The following ZNF540 variants were observed in gnomAD, a reference collection of about 807,000 sequenced individuals.
The protein encoded by ZNF540 is zinc finger protein 540, also known as CTD-3064H18.6.
Under a neutral mutation model 11.8 loss-of-function variants are expected in ZNF540, and 3 were observed. The observed-to-expected ratio is 0.25, with a 90% CI of 0.12 to 0.65. ZNF540 has a LOEUF of 0.65. ZNF540 is among the 30% of genes least tolerant of loss of function. The pLI is 0.83. For synonymous variants in ZNF540, 247 were observed against 259.0 expected, an observed-to-expected ratio of 0.95 and a Z score of 0.45; for missense variants, 709 against 793.1, an observed-to-expected ratio of 0.89 and a Z score of 1.27.
chr19:37,565,343 G>A (rs1477736068), intron 1 of ZNF540: 5 of 1,613,292 alleles, frequency 3.1e-6, no homozygotes, highest in Admixed American at 3.3e-5. Context: ...ACATTCATAG[G>A]GTTTCTCTCC....
At chr19:37,566,751 A>T (rs1192493009) in intron 1 of ZNF540, among the ~76,000 whole-genome samples, 1 of 152,088 alleles carries the variant, frequency 6.6e-6, no homozygotes, top group South Asian at 2.1e-4. Context: ...CCTTGCTTCT[A>T]TGATCTATTC....
chr19:37,553,252 G>C (rs901238215), intron 1 of ZNF540, among the ~76,000 whole-genome samples: 6 of 146,436 alleles, frequency 4.1e-5, no homozygotes, highest in Admixed American at 3.5e-4. Flanking sequence ...TCCTGCCTCA[G>C]CCTCCTGAGT....
rs758691652 is a variant in ZNF540 at position 37,612,832 on chromosome 19, A to C, written c.1552A>C (p.Thr518Pro). ...CCTTACTGAACACCAGAGAATTCAC[A>C]CTGGTGAAAAGCCCTATAAATGTAA... The part of the protein sequence containing the change: ...FYLTEHQRIH[T>P]GEKPYKCKEC... The change falls in exon 5 of 5, where the codon ACT becomes CCT. Residue 518 changes from threonine to proline, a missense_variant. Physicochemically the swap from Thr to Pro is conservative, Grantham distance 38. Transcript: ENST00000316433. The C allele has an allele frequency of 6.2e-7, 1 of 1,614,106 alleles. No homozygotes were observed. Among genetic ancestry groups the C allele is most frequent in the Non-Finnish European group, 8.5e-7 (1 of 1,179,994 alleles).
At chr19:37,567,652 TCTCA>T (rs2042907785) in intron 1 of ZNF540, 1 of 152,200 alleles carries the variant, frequency 6.6e-6, no homozygotes, top group African/African-American at 2.4e-5. Context: ...CCAAGAATGC[TCTCA>T]AAGTGGCCAC....
chr19:37,556,159 G>A, intron 1 of ZNF540: 3 of 701,954 alleles, frequency 4.3e-6, no homozygotes, highest in Non-Finnish European at 7.8e-6. Flanking sequence ...GTACGGGCTG[G>A]CTCTGGGAAC....
At chr19:37,558,225 T>C (rs377031713) in intron 1 of ZNF540, among the ~76,000 whole-genome samples, 1 of 152,226 alleles carries the variant, frequency 6.6e-6, no homozygotes, top group Non-Finnish European at 1.5e-5. Flanking sequence ...TTCAGCTGCC[T>C]GTGTTGCTCG....
chr19:37,584,215 T>G, intron 1 of ZNF540: 1 of 1,467,162 alleles, frequency 6.8e-7, no homozygotes, highest in Non-Finnish European at 9.3e-7. Flanking sequence ...GGAAATTGGT[T>G]GCCTAAACAG....
intron 1 of ZNF540, chr19:37,551,791 C>T (rs2042607915): frequency 6.6e-6 from 1 of 150,588 alleles, no homozygotes; most frequent in Non-Finnish European, 1.5e-5. Flanking sequence ...TGTTGCATAT[C>T]TCTGTGTGTG....
intron 1 of ZNF540, chr19:37,565,750 G>GTT: frequency 6.2e-7 from 1 of 1,613,348 alleles, no homozygotes; most frequent in Non-Finnish European, 8.5e-7. Context: ...TCCCACATGC[G>GTT]TTACACTGAT....
chr19:37,579,634 A>G (rs1276058733), intron 1 of ZNF540, among the ~76,000 whole-genome samples: 1 of 152,022 alleles, frequency 6.6e-6, no homozygotes, highest in Non-Finnish European at 1.5e-5. Context: ...AGATCTTACC[A>G]TTTTCTCATT....
chr19:37,603,522 T>G (rs1362131451), intron 4 of ZNF540, among the ~76,000 whole-genome samples: 1 of 152,126 alleles, frequency 6.6e-6, no homozygotes, highest in Admixed American at 6.5e-5. Flanking sequence ...ATTAGAGGAA[T>G]AAGGGAGATC....
chr19:37,565,007 T>C, intron 1 of ZNF540: 1 of 1,613,838 alleles, frequency 6.2e-7, no homozygotes, highest in Non-Finnish European at 8.5e-7. Flanking sequence ...CTTACATTCA[T>C]AATGTTTCTC....
At chr19:37,584,428 C>A (rs757273475) in intron 1 of ZNF540, among the ~76,000 whole-genome samples, 35 of 152,194 alleles carry the variant, frequency 2.3e-4, no homozygotes, top group Non-Finnish European at 4.3e-4. Flanking sequence ...TCCTCAATAA[C>A]TAATATACTC....
intron 4 of ZNF540, among the ~76,000 whole-genome samples, chr19:37,604,296 CTTTTTTTTTTTTTTTTTT>C (rs769163050): frequency 1.3e-5 from 1 of 75,266 alleles, no homozygotes; most frequent in Non-Finnish European, 2.5e-5. Context: ...AATAGCCTTA[CTTTTTTTTTTTTTTTTTT>C]TTTTTTTTTT....
At chr19:37,565,512 G>A (rs367711121) in intron 1 of ZNF540, 2 of 1,613,738 alleles carry the variant, frequency 1.2e-6, no homozygotes, top group South Asian at 1.1e-5. Flanking sequence ...CACTCATAAG[G>A]TTTCTCACCA....
chr19:37,563,581 T>TATACATATATGGAATAC (rs1405409560), intron 1 of ZNF540: 1 of 152,070 alleles, frequency 6.6e-6, no homozygotes, highest in Non-Finnish European at 1.5e-5. Context: ...ATATGGAATA[T>TATACATATATGGAATAC]ATACATATAT....
chr19:37,613,215 A>G lies in ZNF540; in HGVS notation c.1935A>G (p.Arg645=), dbSNP rs139902579. The stretch of plus-strand genomic sequence containing the variant: ...GTAAGGTATGTAGAAAGGCCTTTAG[A>G]CAATATTCACATCTTTATCAACATC... ...YECKVCRKAF[R]QYSHLYQHQK... is the part of the protein sequence containing the mutation. Residue 645 remains arginine, a synonymous_variant, in exon 5 of 5, where the codon AGA becomes AGG. Transcript: ENST00000316433. 472 of 1,557,452 alleles carry G rather than the reference A, an allele frequency of 3.0e-4. 1 individual carries two copies. Among genetic ancestry groups the G allele is most frequent in the Middle Eastern group, 1.0e-3 (6 of 5,804 alleles).
At chr19:37,605,756 A>T (rs998148343) in intron 4 of ZNF540, among the ~76,000 whole-genome samples, 3 of 152,212 alleles carry the variant, frequency 2.0e-5, no homozygotes, top group Non-Finnish European at 2.9e-5. Flanking sequence ...AGTCATTTTA[A>T]TCTTAGTCAT....
chr19:37,570,966 C>A (rs528710851), intron 1 of ZNF540, among the ~76,000 whole-genome samples: 7 of 152,272 alleles, frequency 4.6e-5, no homozygotes, highest in South Asian at 2.1e-4. Flanking sequence ...ATACAAATTA[C>A]TCTAATTTTA....
Sources: allele counts gnomAD v4.1 joint callset (sites outside exome capture counted in the v4.1 genomes callset), GRCh38; gene constraint gnomAD v4.1.1; transcripts MANE v1.5; gene names NCBI Gene and HGNC (gene_info 2026-07-23, HGNC 2026-07-21).